Variants in DDX31 observed in about 807,000 individuals in gnomAD.
DDX31 encodes DEAD-box helicase 31.
A neutral mutation model predicts 91.3 loss-of-function variants in DDX31; 70 were observed. The ratio of observed to expected loss-of-function variants is 0.77; its 90% CI spans 0.63 to 0.94. DDX31 has a LOEUF of 0.94. DDX31 is among the 40% of genes least tolerant of loss of function. The probability of loss-of-function intolerance (pLI) is 0.00; values close to 1 mark genes in which losing one functional copy is unlikely to be tolerated. For missense variants in DDX31, 902 were observed against 925.0 expected, an observed-to-expected ratio of 0.98 and a Z score of 0.32; for synonymous variants, 362 against 350.6, an observed-to-expected ratio of 1.03 and a Z score of -0.36.
intron 14 of DDX31, among the ~76,000 whole-genome samples, chr9:132,635,254 G>T (rs1354727905): frequency 6.6e-6 from 1 of 152,080 alleles, no homozygotes; most frequent in Non-Finnish European, 1.5e-5. Flanking sequence ...TTGAGACCAT[G>T]CGAATAGCAT....
In DDX31 at chr9:132,625,730, C is replaced by A. The variant is rs1202613406; in HGVS notation, c.1647G>T (p.Lys549Asn). The change falls in exon 17 of 20, where the codon AAG (lysine) becomes AAT (asparagine). Residue 549 changes from lysine (K) to asparagine (N), a missense_variant. Coordinates refer to ENST00000372159, the MANE Select transcript of DDX31 (RefSeq NM_022779.9). ...ASHKINVSEI[K>N]MEDILCVLTR... Reference sequence around the variant, plus strand: ...TCAGAACACACAAAATATCTTCCATCTTAATCTCAGAAACGCTGTAAAAGG... The same window carrying A: ...TCAGAACACACAAAATATCTTCCATATTAATCTCAGAAACGCTGTAAAAGG... The A allele has an allele frequency of 1.2e-6, 2 of 1,613,688 alleles. No individual in the cohort carries two copies. The highest frequency in any genetic ancestry group is 1.7e-6 in the Non-Finnish European group (2 of 1,179,898).
At chr9:132,643,512 G>T (rs537116482) in intron 13 of DDX31, among the ~76,000 whole-genome samples, 1 of 152,322 alleles carries the variant, frequency 6.6e-6, no homozygotes, top group African/African-American at 2.4e-5. Flanking sequence ...TGAGTACACT[G>T]GATAAAGACA....
intron 15 of DDX31, among the ~76,000 whole-genome samples, chr9:132,631,793 G>A (rs150406259): frequency 6.6e-6 from 1 of 152,232 alleles, no homozygotes; most frequent in Non-Finnish European, 1.5e-5. Flanking sequence ...ACACGAATTA[G>A]TCTAGAAGCA....
intron 4 of DDX31, 21 bp downstream of exon 4, chr9:132,661,187 A>G: frequency 6.2e-7 from 1 of 1,607,046 alleles, no homozygotes; most frequent in Non-Finnish European, 8.5e-7. Flanking sequence ...TAAGAAATCA[A>G]GAGGAGCCTG....
intron 12 of DDX31, 111 bp from the exon 13 acceptor site, chr9:132,646,182 G>GTGACTATCTT (rs1300697104): frequency 7.1e-6 from 8 of 1,129,414 alleles, no homozygotes; most frequent in Non-Finnish European, 8.6e-6. Flanking sequence ...GGAAATAAAG[G>GTGACTATCTT]TGACTATCTT....
intron 16 of DDX31, among the ~76,000 whole-genome samples, chr9:132,628,735 G>A (rs1020074180): frequency 2.0e-5 from 3 of 152,290 alleles, no homozygotes; most frequent in African/African-American, 7.2e-5. Flanking sequence ...AGAGAGCTGC[G>A]GCCAGGAAGG....
chr9:132,660,804 GA>G (rs1834885218), intron 4 of DDX31, among the ~76,000 whole-genome samples: 1 of 152,084 alleles, frequency 6.6e-6, no homozygotes, highest in African/African-American at 2.4e-5. Context: ...AACAAACATT[GA>G]AAACATTTTT....
chr9:132,646,160 T>C (rs1833826857), intron 12 of DDX31, 89 bp from the exon 13 acceptor site: 1 of 1,343,360 alleles, frequency 7.4e-7, no homozygotes. Context: ...ACAGTCATGC[T>C]GACCCCCATT....
chr9:132,643,387 G>C (rs755700416), intron 13 of DDX31, among the ~76,000 whole-genome samples: 1 of 152,142 alleles, frequency 6.6e-6, no homozygotes, highest in Non-Finnish European at 1.5e-5. Context: ...TCAAAATCTG[G>C]AAAAAAGTAA....
intron 5 of DDX31, 109 bp downstream of exon 5, chr9:132,659,601 A>G (rs867417241): frequency 1.9e-6 from 2 of 1,074,254 alleles, no homozygotes; most frequent in African/African-American, 1.6e-5. Context: ...CCCTCCCCCA[A>G]ACGAAACAAA....
chr9:132,663,362 T>C, intron 1 of DDX31: 2 of 1,278,304 alleles, frequency 1.6e-6, no homozygotes, highest in Admixed American at 4.6e-5. Flanking sequence ...CTACCACAAT[T>C]ACTTCCTACC....
intron 13 of DDX31, among the ~76,000 whole-genome samples, chr9:132,643,880 A>G (rs936649136): frequency 6.6e-6 from 1 of 152,152 alleles, no homozygotes; most frequent in Admixed American, 6.5e-5. Context: ...AGCTTATGAA[A>G]CACCTTAAAG....
chr9:132,660,088 C>A (rs1730133488), intron 4 of DDX31, among the ~76,000 whole-genome samples: 1 of 152,110 alleles, frequency 6.6e-6, no homozygotes, highest in African/African-American at 2.4e-5. Flanking sequence ...GTAATCCCTG[C>A]ACTTTGGGAA....
intron 7 of DDX31, 69 bp downstream of exon 7, chr9:132,652,379 C>G: frequency 6.3e-7 from 1 of 1,597,332 alleles, no homozygotes; most frequent in African/African-American, 1.3e-5. Context: ...GGTAAAACCA[C>G]TTTTAAATTC....
At chr9:132,623,442 G>A (rs548703167) in intron 17 of DDX31, among the ~76,000 whole-genome samples, 9 of 150,444 alleles carry the variant, frequency 6.0e-5, no homozygotes, top group East Asian at 2.0e-4. Context: ...TGTATTCCCA[G>A]CTACTTGGGA....
chr9:132,612,043 G>A (rs755919516), intron 19 of DDX31, 44 bp downstream of exon 19: 29 of 1,588,226 alleles, frequency 1.8e-5, no homozygotes, highest in African/African-American at 2.7e-5. Context: ...TCATGTGAAC[G>A]GAGCTCTCTA....
chr9:132,617,799 C>T (rs1223346649), intron 18 of DDX31, among the ~76,000 whole-genome samples: 2 of 152,200 alleles, frequency 1.3e-5, no homozygotes, highest in Non-Finnish European at 2.9e-5. Context: ...CCAACTTATC[C>T]AACAAAGGGT....
intron 5 of DDX31, 130 bp downstream of exon 5, chr9:132,659,580 A>G: frequency 1.3e-6 from 1 of 785,752 alleles, no homozygotes; most frequent in South Asian, 1.7e-5. Context: ...CTCTAATCAA[A>G]AGCATGGCCT....
At chr9:132,631,662 A>C (rs561892296) in intron 15 of DDX31, among the ~76,000 whole-genome samples, 2 of 152,360 alleles carry the variant, frequency 1.3e-5, no homozygotes, top group South Asian at 4.1e-4. Flanking sequence ...TGCTCCCTGC[A>C]GGTCAACGTA....
Sources: allele counts gnomAD v4.1 joint callset (sites outside exome capture counted in the v4.1 genomes callset), GRCh38; gene constraint gnomAD v4.1.1; transcripts MANE v1.5; gene names NCBI Gene and HGNC (gene_info 2026-07-23, HGNC 2026-07-21).